Variants in TENM3 observed in about 807,000 individuals in gnomAD.
TENM3 encodes teneurin transmembrane protein 3.
TENM3 carries 63 observed loss-of-function variants against 255.1 expected under a neutral mutation model. That is an observed-to-expected ratio of 0.25 (90% CI 0.20 to 0.30). The LOEUF (loss-of-function observed/expected upper bound fraction) is 0.30, where lower values mean the gene tolerates loss of function less well. TENM3 is among the 10% of genes least tolerant of loss of function. The pLI, the probability that TENM3 is intolerant of heterozygous loss-of-function variation, is 1.00. For synonymous variants in TENM3, 1,306 were observed against 1,322.3 expected (o/e 0.99, Z 0.27); for missense variants, 2,929 against 3,461.1 (o/e 0.85, Z 3.86).
At chr4:181,504,396 G>C in the TENM3 span, among the ~76,000 whole-genome samples, 1 of 152,134 alleles carries the variant, frequency 6.6e-6, no homozygotes, top group Admixed American at 6.5e-5. Flanking sequence ...CCTTCTAATA[G>C]AGTAAGGAAC....
the TENM3 span, among the ~76,000 whole-genome samples, chr4:181,624,422 C>T: frequency 2.0e-5 from 3 of 152,166 alleles, no homozygotes; most frequent in Non-Finnish European, 4.4e-5. Flanking sequence ...TTTTACATGT[C>T]CTGGAAGGGA....
chr4:181,968,849 A>G, the TENM3 span, among the ~76,000 whole-genome samples: 60 of 152,256 alleles, frequency 3.9e-4, no homozygotes, highest in African/African-American at 1.1e-3. Context: ...TTTTTTAAAA[A>G]TTGGAGGAAT....
At chr4:181,924,782 A>T in the TENM3 span, among the ~76,000 whole-genome samples, 2 of 152,180 alleles carry the variant, frequency 1.3e-5, no homozygotes, top group Non-Finnish European at 2.9e-5. Context: ...AAAACACACA[A>T]CTTGAATTAA....
At chr4:182,699,359 C>G (rs1390937638) in intron 12 of TENM3, among the ~76,000 whole-genome samples, 1 of 152,174 alleles carries the variant, frequency 6.6e-6, no homozygotes, top group African/African-American at 2.4e-5. Context: ...TGCCTGATTC[C>G]TTTAGGCTTG....
intron 1 of TENM3, among the ~76,000 whole-genome samples, chr4:182,199,660 A>G (rs1280435838): frequency 6.6e-6 from 1 of 151,330 alleles, no homozygotes. Context: ...CAAGTTTTAA[A>G]TCACTTGACG....
chr4:182,160,061 G>GGC, intron 1 of TENM3, among the ~76,000 whole-genome samples: 1 of 147,988 alleles, frequency 6.8e-6, no homozygotes, highest in Non-Finnish European at 1.5e-5. Flanking sequence ...GGAGTGCAGC[G>GGC]GTGCGATCTC....
At chr4:182,731,913 C>G (rs1472572975) in intron 16 of TENM3, among the ~76,000 whole-genome samples, 1 of 151,854 alleles carries the variant, frequency 6.6e-6, no homozygotes, top group African/African-American at 2.4e-5. Context: ...TCCTGAGTAG[C>G]TGAGACTACA....
chr4:181,500,518 G>C, the TENM3 span, among the ~76,000 whole-genome samples: 1 of 152,126 alleles, frequency 6.6e-6, no homozygotes, highest in South Asian at 2.1e-4. Flanking sequence ...TCATCAGTCA[G>C]ATGTTCATAC....
the TENM3 span, among the ~76,000 whole-genome samples, chr4:181,496,149 G>A: frequency 6.6e-6 from 1 of 151,038 alleles, no homozygotes; most frequent in African/African-American, 2.4e-5. Context: ...TGAACGCTGG[G>A]CCTCAAGAAA....
intron 3 of TENM3, among the ~76,000 whole-genome samples, chr4:182,400,381 G>C (rs1001976130): frequency 6.6e-6 from 1 of 152,116 alleles, no homozygotes; most frequent in African/African-American, 2.4e-5. Context: ...AACCTAAAAT[G>C]GATAACCTTT....
At chr4:181,724,795 G>A in the TENM3 span, among the ~76,000 whole-genome samples, 2 of 152,124 alleles carry the variant, frequency 1.3e-5, no homozygotes, top group African/African-American at 2.4e-5. Context: ...AAATCAGGCT[G>A]CCTTTTATTG....
At chr4:182,225,025 C>T (rs1026263260) in intron 1 of TENM3, among the ~76,000 whole-genome samples, 2 of 152,180 alleles carry the variant, frequency 1.3e-5, no homozygotes, top group East Asian at 1.9e-4. Flanking sequence ...AGCCACCGCT[C>T]CCTGGCTCAG....
chr4:181,517,302 G>T, the TENM3 span, among the ~76,000 whole-genome samples: 1 of 152,152 alleles, frequency 6.6e-6, no homozygotes, highest in Non-Finnish European at 1.5e-5. Flanking sequence ...CCTCTGGAAT[G>T]ATATGTGCAA....
intron 1 of TENM3, among the ~76,000 whole-genome samples, chr4:182,180,454 C>G (rs1162428830): frequency 6.6e-6 from 1 of 152,082 alleles, no homozygotes; most frequent in Non-Finnish European, 1.5e-5. Context: ...ATTAAATCTT[C>G]CCATCTACCT....
intron 10 of TENM3, among the ~76,000 whole-genome samples, chr4:182,681,311 A>G (rs1049460485): frequency 2.0e-5 from 3 of 152,222 alleles, no homozygotes; most frequent in Admixed American, 2.0e-4. Flanking sequence ...TCTGGAATTA[A>G]ATTTTCAGGC....
At chr4:181,545,005 A>T in the TENM3 span, among the ~76,000 whole-genome samples, 5 of 152,216 alleles carry the variant, frequency 3.3e-5, no homozygotes. Context: ...TATTTGATTG[A>T]TTGCAAGGTG....
chr4:181,752,094 T>C, the TENM3 span, among the ~76,000 whole-genome samples: 2 of 152,202 alleles, frequency 1.3e-5, no homozygotes, highest in Non-Finnish European at 2.9e-5. Flanking sequence ...CTCACATTCC[T>C]AATTTCTGTT....
chr4:181,501,848 T>G, the TENM3 span, among the ~76,000 whole-genome samples: 108 of 152,332 alleles, frequency 7.1e-4, no homozygotes, highest in East Asian at 6.2e-3. Context: ...CTATAGAGTC[T>G]GAGGACATAG....
chr4:182,382,003 T>C (rs1767608060), intron 3 of TENM3, among the ~76,000 whole-genome samples: 1 of 152,170 alleles, frequency 6.6e-6, no homozygotes, highest in Admixed American at 6.5e-5. Flanking sequence ...AGAATATGCA[T>C]TTTGCTTTTG....
Sources: gnomAD v4.1 joint callset for allele counts (sites outside exome capture counted in the v4.1 genomes callset) on GRCh38, gnomAD v4.1.1 for gene constraint, MANE v1.5 for transcripts, NCBI Gene and HGNC (gene_info 2026-07-23, HGNC 2026-07-21) for gene names.